Variants in GNB5 observed in about 807,000 individuals in gnomAD.
The protein encoded by GNB5 is G protein subunit beta 5, also known as guanine nucleotide-binding protein subunit beta-5.
A neutral mutation model predicts 55.3 loss-of-function variants in GNB5; 37 were observed. The ratio of observed to expected loss-of-function variants is 0.67; its 90% CI spans 0.51 to 0.88. The LOEUF (loss-of-function observed/expected upper bound fraction) is 0.88, where lower values mean the gene tolerates loss of function less well. GNB5 is among the 40% of genes least tolerant of loss of function. The pLI is 0.00. For synonymous variants in GNB5, 219 were observed against 198.5 expected, an observed-to-expected ratio of 1.10 and a Z score of -0.87; for missense variants, 476 against 515.3, an observed-to-expected ratio of 0.92 and a Z score of 0.74.
intron 1 of GNB5, among the ~76,000 whole-genome samples, chr15:52,184,939 G>C (rs1043160502): frequency 6.6e-6 from 1 of 152,248 alleles, no homozygotes; most frequent in African/African-American, 2.4e-5. Context: ...TTTTTTGGCA[G>C]CTGGCAGACC....
At chr15:52,185,698 G>A (rs1175815008) in intron 1 of GNB5, among the ~76,000 whole-genome samples, 1 of 151,742 alleles carries the variant, frequency 6.6e-6, no homozygotes. Flanking sequence ...AGAGAATCAT[G>A]AAAATGAGAC....
intron 7 of GNB5, chr15:52,138,056 C>T: frequency 6.4e-6 from 5 of 777,106 alleles, no homozygotes; most frequent in Non-Finnish European, 7.6e-6. Flanking sequence ...CCTCCTCACC[C>T]TTTGCCCCCT....
At chr15:52,153,521 GA>G (rs2034144306) in intron 4 of GNB5, among the ~76,000 whole-genome samples, 1 of 152,180 alleles carries the variant, frequency 6.6e-6, no homozygotes, top group East Asian at 1.9e-4. Context: ...TAAATGATAT[GA>G]TTTTTAAAAT....
intron 9 of GNB5, among the ~76,000 whole-genome samples, chr15:52,132,453 C>G (rs1484471841): frequency 1.3e-5 from 2 of 151,540 alleles, no homozygotes; most frequent in African/African-American, 4.9e-5. Context: ...ACAATGTATT[C>G]TCCATACAGC....
chr15:52,174,095 A>C (rs2034602877), intron 3 of GNB5, among the ~76,000 whole-genome samples: 1 of 152,174 alleles, frequency 6.6e-6, no homozygotes. Flanking sequence ...TTAGAGTCAG[A>C]GAGAGAGGTG....
At chr15:52,159,093 A>T (rs1221355374) in intron 3 of GNB5, among the ~76,000 whole-genome samples, 2 of 152,206 alleles carry the variant, frequency 1.3e-5, no homozygotes, top group Admixed American at 1.3e-4. Context: ...CCCAACAATA[A>T]TACTGATGTA....
At chr15:52,175,437 T>A (rs1302281725) in intron 3 of GNB5, among the ~76,000 whole-genome samples, 1 of 152,130 alleles carries the variant, frequency 6.6e-6, no homozygotes, top group East Asian at 1.9e-4. Context: ...GGCCTGTGTG[T>A]GTCAGAAACA....
At chr15:52,138,613 C>T (rs1028610681) in intron 7 of GNB5, 3 of 152,102 alleles carry the variant, frequency 2.0e-5, no homozygotes, top group African/African-American at 7.2e-5. Context: ...TTTGGGTACT[C>T]ATATTTTGTT....
In GNB5 at chr15:52,170,554, G is replaced by T. The variant is rs142287824; in HGVS notation, c.238+9214C>A. Among the ~76,000 whole-genome samples the T allele has an allele frequency of 5.0e-3, 764 of 152,250 alleles. 7 individuals are homozygous for T. The highest frequency in any genetic ancestry group is 0.018 in the African/African-American group (738 of 41,542). ...CAACACACACTGGGGCCTGTCAGGG[G>T]CATAGCAGGAGGGACAGCATCAGGA... On this transcript the variant is annotated intron_variant, in intron 3 of 12. Coordinates refer to ENST00000261837, the MANE Select transcript of GNB5 (RefSeq NM_016194.4).
chr15:52,143,382 C>G (rs1436777501), intron 6 of GNB5, among the ~76,000 whole-genome samples: 1 of 152,186 alleles, frequency 6.6e-6, no homozygotes, highest in Admixed American at 6.5e-5. Flanking sequence ...AGTGTCGAAT[C>G]TCTGCTTTAG....
At chr15:52,165,580 T>A (rs1596095353) in intron 3 of GNB5, among the ~76,000 whole-genome samples, 1 of 152,168 alleles carries the variant, frequency 6.6e-6, no homozygotes, top group East Asian at 1.9e-4. Flanking sequence ...CAACCCAGAA[T>A]TTTATATGCG....
At chr15:52,150,483 T>C (rs945133997) in intron 4 of GNB5, among the ~76,000 whole-genome samples, 1 of 152,128 alleles carries the variant, frequency 6.6e-6, no homozygotes, top group Non-Finnish European at 1.5e-5. Context: ...GGGCCTGAGA[T>C]CAGTCTAATT....
At chr15:52,132,636 A>ATTTTTTTTTTTTTTTTTTTTTT (rs1216272462) in intron 9 of GNB5, among the ~76,000 whole-genome samples, 3 of 134,802 alleles carry the variant, frequency 2.2e-5, no homozygotes, top group South Asian at 2.3e-4. Context: ...TGCCCTGCTA[A>ATTTTTTTTTTTTTTTTTTTTTT]TTTTTTTTTT....
intron 3 of GNB5, among the ~76,000 whole-genome samples, chr15:52,161,138 A>G (rs1456240322): frequency 6.6e-6 from 1 of 152,140 alleles, no homozygotes; most frequent in East Asian, 1.9e-4. Flanking sequence ...GAGGCTAAGG[A>G]CCTCATGCAC....
At chr15:52,179,664 G>T (rs2141239881) in intron 3 of GNB5, 104 bp downstream of exon 3, 1 of 646,404 alleles carries the variant, frequency 1.5e-6, no homozygotes. Context: ...GCGCGGGCCT[G>T]GCTCCCGTCG....
intron 3 of GNB5, among the ~76,000 whole-genome samples, chr15:52,179,254 G>C (rs999261858): frequency 6.6e-6 from 1 of 152,104 alleles, no homozygotes; most frequent in African/African-American, 2.4e-5. Context: ...CCCGCCCCAA[G>C]GATAGGGGAG....
chr15:52,175,887 A>G (rs1037787617), intron 3 of GNB5, among the ~76,000 whole-genome samples: 93 of 152,098 alleles, frequency 6.1e-4, no homozygotes, highest in African/African-American at 2.2e-3. Flanking sequence ...TGTCTCTACT[A>G]AAAATACAAA....
At chr15:52,147,307 T>C (rs2033997816) in intron 6 of GNB5, 152 bp downstream of exon 6, 1 of 620,632 alleles carries the variant, frequency 1.6e-6, no homozygotes, top group Admixed American at 2.3e-5. Flanking sequence ...TGGCTTATGG[T>C]TTCTTCTTTG....
chr15:52,147,743 A>T (rs35709612), intron 5 of GNB5, among the ~76,000 whole-genome samples: 2 of 151,922 alleles, frequency 1.3e-5, no homozygotes, highest in Admixed American at 1.3e-4. Context: ...CCACCATGCC[A>T]GGCTAATTTT....
Sources: allele counts gnomAD v4.1 joint callset (sites outside exome capture counted in the v4.1 genomes callset), GRCh38; gene constraint gnomAD v4.1.1; transcripts MANE v1.5; gene names NCBI Gene and HGNC (gene_info 2026-07-23, HGNC 2026-07-21).